NKAP: variants seen among roughly 807,000 people sequenced by gnomAD.
The protein encoded by NKAP is NFKB activating protein, also known as NF-kappa-B-activating protein.
Under a neutral mutation model 35.6 loss-of-function variants are expected in NKAP, and 4 were observed. That is an observed-to-expected ratio of 0.11 (90% confidence interval 0.06 to 0.26). The LOEUF is 0.26. Among genes scored for constraint, NKAP ranks in the 10% least tolerant of loss-of-function variants. The probability of loss-of-function intolerance (pLI) is 1.00; values close to 1 mark genes in which losing one functional copy is unlikely to be tolerated. For missense variants in NKAP, 238 were observed against 321.9 expected, an observed-to-expected ratio of 0.74 and a Z score of 1.99; for synonymous variants, 106 against 119.2, an observed-to-expected ratio of 0.89 and a Z score of 0.72.
At position 119,922,750 on chromosome X, in the gene NKAP, TG is replaced by T. The variant is rs1475526847; in HGVS notation, c.*2469del. 4 of 111,087 alleles carry T rather than the reference TG, an allele frequency of 3.6e-5. No individual in the cohort carries two copies. Among genetic ancestry groups the T allele is most frequent in the Non-Finnish European group, 7.6e-5 (4 of 52,954 alleles). The allele number at this position is 111,087 out of a possible 1,213,427, so 9.2% of individuals were successfully genotyped here. On this transcript the variant is annotated 3_prime_UTR_variant, in exon 9 of 9. Transcript: ENST00000371410. ...TCAAAAATAATAATAAAAAAACTTT[TG>T]CTCTATACTTTGAAATATGACTGCC...
intron 4 of NKAP, among the ~76,000 whole-genome samples, chrX:119,935,992 C>T (rs2056764336): frequency 8.9e-6 from 1 of 111,894 alleles, no homozygotes; most frequent in African/African-American, 3.2e-5. Context: ...ACACTTTGCA[C>T]AACCAATCCC....
chrX:119,932,476 G>T, intron 5 of NKAP: 1 of 225,772 alleles, frequency 4.4e-6, no homozygotes, highest in Non-Finnish European at 7.8e-6. Context: ...AAAAGTAGCT[G>T]GGTGTGATGG....
At chrX:119,931,500 C>A (rs1265847224) in intron 7 of NKAP, among the ~76,000 whole-genome samples, 1 of 108,923 alleles carries the variant, frequency 9.2e-6, no homozygotes, top group African/African-American at 3.3e-5. Flanking sequence ...AGCGAGACTC[C>A]GTCTCACAAA....
rs1603380487 is a variant in NKAP at position 119,936,638 on chromosome X, C to A, written c.512G>T (p.Ser171Ile). 9.3e-6 allele frequency: 11 copies of A among 1,179,201 alleles called. No individual in the cohort carries two copies. The East Asian group carries it at 3.3e-4, about 36-fold the overall frequency. Residue 171 changes from serine to isoleucine, a missense_variant, in exon 3 of 9, where the codon AGC (serine) becomes ATC (isoleucine). Physicochemically the swap from Ser to Ile is moderately radical, Grantham distance 142. Transcript: ENST00000371410. ...TPVEDEEPKK[S>I]TTSASTSEEE... ...TTCTGAAGTAGAAGCTGAAGTAGTG[C>A]TTTTCTTTGGCTCTTCATCCTCCAC...
rs1392576217 is a variant in NKAP at position 119,932,181 on chromosome X, C to G, written c.773G>C (p.Arg258Thr). Residue 258 changes from arginine (R) to threonine (T), a missense_variant, in exon 6 of 9, where the codon AGA becomes ACA. This residue lies in a region of NKAP where 89 missense variants were observed against 91.7 expected (regional missense o/e 0.97). Transcript: ENST00000371410. ...KYKKKRSKKSRKESSDSSSKE... is the reference protein window; with the variant it reads ...KYKKKRSKKSTKESSDSSSKE... ...AGAGCTTGAATCACTGGACTCTTTTCTGCTCTTCTTAGACCTCTTTTTCTT... is the reference window on the plus strand; with the variant it reads ...AGAGCTTGAATCACTGGACTCTTTTGTGCTCTTCTTAGACCTCTTTTTCTT... 8.3e-7 allele frequency: 1 copy of G among 1,205,903 alleles called. No homozygotes were observed. Among genetic ancestry groups the G allele is most frequent in the Non-Finnish European group, 1.1e-6 (1 of 891,500 alleles).
chrX:119,929,408 T>G (rs1392918287), intron 8 of NKAP, among the ~76,000 whole-genome samples: 1 of 112,530 alleles, frequency 8.9e-6, no homozygotes, highest in Non-Finnish European at 1.9e-5. Context: ...TTCAATTTGA[T>G]CTAAGTACTG....
Position 119,936,594 on chromosome X carries a change from C to A in NKAP, c.538+18G>T. On this transcript the variant is annotated intron_variant, in intron 3 of 8. Transcript: ENST00000371410. ...TAAAATAGCTTGTATTTTAAAAATA[C>A]CCTTTTTTTAAAAATACCTTCTGAA... The A allele has an allele frequency of 8.9e-7, 1 of 1,117,925 alleles. No individual in the cohort carries two copies. The allele number at this position is 1,117,925 out of a possible 1,213,427, so 92.1% of individuals were successfully genotyped here. A position where few individuals can be genotyped will look rare whatever the true frequency, so the allele number is the denominator to read the frequency against.
intron 8 of NKAP, among the ~76,000 whole-genome samples, 180 bp downstream of exon 8, chrX:119,929,836 T>C (rs1223626880): frequency 8.9e-6 from 1 of 112,281 alleles, no homozygotes; most frequent in Non-Finnish European, 1.9e-5. Flanking sequence ...GTTGCATATA[T>C]ACTTGGAATT....
chrX:119,934,013 G>A (rs1352554795), intron 5 of NKAP, among the ~76,000 whole-genome samples: 1 of 112,033 alleles, frequency 8.9e-6, no homozygotes, highest in East Asian at 2.8e-4. Context: ...TGGATGGAAT[G>A]ATATCTGAGA....
intron 8 of NKAP, among the ~76,000 whole-genome samples, chrX:119,925,630 C>T (rs188446102): frequency 1.2e-4 from 13 of 110,054 alleles, no homozygotes; most frequent in Admixed American, 2.0e-4. Flanking sequence ...GGCACGATCT[C>T]GGCTCACTGC....
intron 4 of NKAP, 37 bp downstream of exon 4, chrX:119,936,260 T>G (rs761158102): frequency 8.5e-7 from 1 of 1,179,809 alleles, no homozygotes; most frequent in South Asian, 1.9e-5. Flanking sequence ...AAACTAGTTT[T>G]GAAGCAAGGC....
At chrX:119,925,953 T>C (rs868581234) in intron 8 of NKAP, among the ~76,000 whole-genome samples, 6 of 79,867 alleles carry the variant, frequency 7.5e-5, no homozygotes, top group Non-Finnish European at 1.5e-4. Flanking sequence ...TTTAATTTTT[T>C]TTTTTTTTTT....
intron 1 of NKAP, among the ~76,000 whole-genome samples, chrX:119,941,637 TG>T (rs2147850770): frequency 9.0e-6 from 1 of 111,313 alleles, no homozygotes; most frequent in Non-Finnish European, 1.9e-5. Flanking sequence ...TTTGTTTGTT[TG>T]TTTTTGAGAC....
Position 119,925,218 on chromosome X carries a change from CTTTA to C in NKAP, c.1246_*1del. ...AATGTCTTCTGGACAATCAGAAAAT[CTTTA>C]TTTGTCATCCTTCCCTTTGGTCTTT... On this transcript the variant is annotated stop_lost and 3_prime_UTR_variant, in exon 9 of 9. Transcript: ENST00000371410. 8.3e-7 allele frequency: 1 copy of C among 1,208,293 alleles called. No homozygotes were observed. The highest frequency in any genetic ancestry group is 1.1e-6 in the Non-Finnish European group (1 of 894,546).
At chrX:119,936,591 A>C in intron 3 of NKAP, 21 bp downstream of exon 3, 1 of 1,127,804 alleles carries the variant, frequency 8.9e-7, no homozygotes, top group Non-Finnish European at 1.2e-6. Context: ...TATTTTAAAA[A>C]TACCCTTTTT....
chrX:119,925,766 T>C (rs1186670637), intron 8 of NKAP, among the ~76,000 whole-genome samples: 1 of 109,045 alleles, frequency 9.2e-6, no homozygotes, highest in African/African-American at 3.3e-5. Flanking sequence ...TAGGCTGATC[T>C]CGAACTCCTG....
At position 119,920,790 on chromosome X, in the gene NKAP, G is replaced by C; in HGVS notation, c.*4430C>G. 1 of 319,173 alleles carries C rather than the reference G, an allele frequency of 3.1e-6. No homozygotes were observed. Among genetic ancestry groups the C allele is most frequent in the Non-Finnish European group, 5.5e-6 (1 of 182,799 alleles). The allele number at this position is 319,173 out of a possible 1,213,427, so 26.3% of individuals were successfully genotyped here. ...ATCACATTAGCAGAGTAACCAGTAA[G>C]TTGTTTTCTATTTTCTAAAGTATTT... On this transcript the variant is annotated 3_prime_UTR_variant, in exon 9 of 9. Coordinates refer to ENST00000371410, the MANE Select transcript of NKAP (RefSeq NM_024528.4).
Position 119,936,595 on chromosome X carries a change from C to G in NKAP, c.538+17G>C. 8.9e-7 allele frequency: 1 copy of G among 1,120,450 alleles called. No individual in the cohort carries two copies. Among genetic ancestry groups the G allele is most frequent in the Non-Finnish European group, 1.2e-6 (1 of 836,843 alleles). 92.3% of individuals were successfully genotyped at this position (1,120,450 alleles called of 1,213,427 possible). On this transcript the variant is annotated intron_variant, in intron 3 of 8. Transcript: ENST00000371410. The stretch of plus-strand genomic sequence containing the variant: ...AAAATAGCTTGTATTTTAAAAATAC[C>G]CTTTTTTTAAAAATACCTTCTGAAG...
chrX:119,936,732 G>T, intron 2 of NKAP, 50 bp from the exon 3 acceptor site: 2 of 956,880 alleles, frequency 2.1e-6, no homozygotes, highest in Non-Finnish European at 1.5e-6. Context: ...ATGAGATATG[G>T]ACCATGGAGT....
Sources: allele counts gnomAD v4.1 joint callset (sites outside exome capture counted in the v4.1 genomes callset), GRCh38; gene constraint gnomAD v4.1.1; regional missense constraint gnomAD v4.1.1; transcripts MANE v1.5; gene names NCBI Gene and HGNC (gene_info 2026-07-23, HGNC 2026-07-21).